Variants in PCDH17 observed in about 807,000 individuals in gnomAD.
PCDH17 encodes protocadherin-17.
A neutral mutation model predicts 67.7 loss-of-function variants in PCDH17; 21 were observed. The ratio of observed to expected loss-of-function variants is 0.31; its 90% CI spans 0.22 to 0.45. PCDH17 has a LOEUF of 0.45. Ranked by LOEUF, PCDH17 falls within the 20% of genes least tolerant of loss-of-function variation. The probability of loss-of-function intolerance (pLI) is 1.00; values close to 1 mark genes in which losing one functional copy is unlikely to be tolerated. For missense variants in PCDH17, 1,471 were observed against 1,564.8 expected (o/e 0.94, Z 1.01); for synonymous variants, 701 against 656.7 (o/e 1.07, Z -1.03).
intron 3 of PCDH17, among the ~76,000 whole-genome samples, chr13:57,712,274 G>C (rs1247295749): frequency 1.3e-5 from 2 of 151,704 alleles, no homozygotes; most frequent in East Asian, 3.9e-4. Flanking sequence ...TTCACGGTTA[G>C]AGTGAAACTT....
At position 57,723,198 on chromosome 13, in the gene PCDH17, G is replaced by T. The variant is rs1366697203; in HGVS notation, c.2798-1414G>T. ...AGAAGAAAGATACCTAATTTTTTTT[G>T]AGGTTTCACAGGTGTGAATAAATAA... On this transcript the variant is annotated intron_variant, in intron 3 of 3. Coordinates refer to ENST00000377918, the MANE Select transcript of PCDH17 (RefSeq NM_001040429.3). 5.3e-5 allele frequency among the ~76,000 whole-genome samples: 8 copies of T among 151,822 alleles called. No individual in the cohort carries two copies. In the East Asian group the frequency reaches 1.4e-3, roughly 26 times the overall value.
At chr13:57,636,835 A>G (rs1954829791) in intron 1 of PCDH17, among the ~76,000 whole-genome samples, 1 of 152,178 alleles carries the variant, frequency 6.6e-6, no homozygotes. Flanking sequence ...AAGATGTCAC[A>G]GAGGGTTAAT....
chr13:57,689,053 T>C (rs1166019490), intron 3 of PCDH17, among the ~76,000 whole-genome samples: 1 of 152,072 alleles, frequency 6.6e-6, no homozygotes, highest in Non-Finnish European at 1.5e-5. Flanking sequence ...AAGAAATTCA[T>C]TTGTGCTTTC....
At chr13:57,684,712 A>C (rs937325641) in intron 3 of PCDH17, among the ~76,000 whole-genome samples, 2 of 152,134 alleles carry the variant, frequency 1.3e-5, no homozygotes, top group Admixed American at 6.6e-5. Flanking sequence ...TTGGTTTTAC[A>C]TTATGAGTAT....
chr13:57,693,426 G>T (rs1333657646), intron 3 of PCDH17, among the ~76,000 whole-genome samples: 1 of 145,460 alleles, frequency 6.9e-6, no homozygotes, highest in African/African-American at 2.5e-5. Context: ...ATTTTACACT[G>T]CTCTTTCATA....
intron 3 of PCDH17, among the ~76,000 whole-genome samples, chr13:57,700,093 G>T (rs1428970467): frequency 1.3e-5 from 2 of 152,052 alleles, no homozygotes; most frequent in Non-Finnish European, 2.9e-5. Context: ...TGGTCAACCT[G>T]TTATGAGTAA....
rs1313178810 is a variant in PCDH17 at position 57,638,558 on chromosome 13, A to G, written c.2565+3447A>G. 2.0e-5 allele frequency among the ~76,000 whole-genome samples: 3 copies of G among 152,224 alleles called. No homozygotes were observed. In the East Asian group the frequency reaches 5.8e-4, roughly 29 times the overall value. ...TAAAATAAATTTTGAAAAGGAATACATTCTTACTCAGTGTTTTACAAATCA... is the reference window on the plus strand; with the variant it reads ...TAAAATAAATTTTGAAAAGGAATACGTTCTTACTCAGTGTTTTACAAATCA... On this transcript the variant is annotated intron_variant, in intron 1 of 3. Transcript: ENST00000377918.
chr13:57,640,422 A>G (rs187648361), intron 1 of PCDH17, among the ~76,000 whole-genome samples: 7 of 152,178 alleles, frequency 4.6e-5, no homozygotes, highest in African/African-American at 1.7e-4. Context: ...TTTTCAATAT[A>G]GTGTATGTAA....
At chr13:57,696,210 T>C (rs1223540864) in intron 3 of PCDH17, among the ~76,000 whole-genome samples, 1 of 151,470 alleles carries the variant, frequency 6.6e-6, no homozygotes, top group Non-Finnish European at 1.5e-5. Flanking sequence ...TACTTTTGAC[T>C]TTCAACAGAC....
intron 1 of PCDH17, among the ~76,000 whole-genome samples, chr13:57,658,852 T>C (rs967171996): frequency 1.3e-5 from 2 of 152,156 alleles, no homozygotes; most frequent in African/African-American, 2.4e-5. Context: ...CAATCTCTGC[T>C]CACCTCAACC....
At chr13:57,639,573 G>T (rs994475076) in intron 1 of PCDH17, among the ~76,000 whole-genome samples, 4 of 151,522 alleles carry the variant, frequency 2.6e-5, no homozygotes, top group African/African-American at 4.8e-5. Context: ...ATTAGCTTTT[G>T]GTTTTCGATA....
chr13:57,637,791 T>C (rs1352943860), intron 1 of PCDH17, among the ~76,000 whole-genome samples: 1 of 152,074 alleles, frequency 6.6e-6, no homozygotes, highest in Non-Finnish European at 1.5e-5. Context: ...AACTTTATGA[T>C]TTATGAAGCT....
intron 1 of PCDH17, among the ~76,000 whole-genome samples, chr13:57,643,307 A>G (rs541378899): frequency 3.2e-4 from 48 of 151,788 alleles, no homozygotes; most frequent in Non-Finnish European, 6.5e-4. Context: ...TTAGCAAAAT[A>G]TAATAAGAAA....
At chr13:57,722,900 T>C (rs1380760214) in intron 3 of PCDH17, among the ~76,000 whole-genome samples, 1 of 152,168 alleles carries the variant, frequency 6.6e-6, no homozygotes, top group African/African-American at 2.4e-5. Flanking sequence ...TAAGCCACTA[T>C]ACCTGGCCAA....
intron 3 of PCDH17, among the ~76,000 whole-genome samples, chr13:57,677,584 A>G (rs1041587652): frequency 7.2e-5 from 11 of 151,902 alleles, no homozygotes; most frequent in Non-Finnish European, 1.6e-4. Flanking sequence ...CGGGAAAGCC[A>G]TAGTCAGTAA....
At chr13:57,668,889 C>T (rs899153234) in intron 3 of PCDH17, among the ~76,000 whole-genome samples, 5 of 151,990 alleles carry the variant, frequency 3.3e-5, no homozygotes, top group African/African-American at 1.2e-4. Flanking sequence ...ATGTGCACAA[C>T]GTGCAGGTTT....
chr13:57,660,108 T>G (rs1593908357), intron 1 of PCDH17, among the ~76,000 whole-genome samples: 1 of 152,130 alleles, frequency 6.6e-6, no homozygotes, highest in Non-Finnish European at 1.5e-5. Flanking sequence ...ATAGCCGCCA[T>G]GTTGGCGCAC....
chr13:57,719,310 T>A (rs756647804), intron 3 of PCDH17, among the ~76,000 whole-genome samples: 2 of 152,046 alleles, frequency 1.3e-5, no homozygotes, highest in African/African-American at 2.4e-5. Flanking sequence ...GACCATTTGG[T>A]TGACAATCAT....
At chr13:57,659,925 A>T (rs1006417208) in intron 1 of PCDH17, among the ~76,000 whole-genome samples, 2 of 152,120 alleles carry the variant, frequency 1.3e-5, no homozygotes, top group Admixed American at 6.6e-5. Flanking sequence ...CAAGAAAAAA[A>T]TTCTTTGGAA....
Sources: gnomAD v4.1 joint callset for allele counts (sites outside exome capture counted in the v4.1 genomes callset) on GRCh38, gnomAD v4.1.1 for gene constraint, MANE v1.5 for transcripts, NCBI Gene and HGNC (gene_info 2026-07-23, HGNC 2026-07-21) for gene names.